Variants in RRBP1 observed in about 807,000 individuals in gnomAD.
RRBP1 encodes the protein ribosome-binding protein 1.
A neutral mutation model predicts 165.2 loss-of-function variants in RRBP1; 94 were observed. That is an observed-to-expected ratio of 0.57 (90% CI 0.48 to 0.68). The LOEUF (loss-of-function observed/expected upper bound fraction) is 0.68, where lower values mean the gene tolerates loss of function less well. Ranked by LOEUF, RRBP1 falls within the 30% of genes least tolerant of loss-of-function variation. RRBP1 has a pLI of 0.00. For synonymous variants in RRBP1, 680 were observed against 714.5 expected, an observed-to-expected ratio of 0.95 and a Z score of 0.77; for missense variants, 1,676 against 1,763.0, an observed-to-expected ratio of 0.95 and a Z score of 0.88.
chr20:17,615,374 G>C (rs2035778256), intron 23 of RRBP1, 57 bp downstream of exon 23: 1 of 1,403,146 alleles, frequency 7.1e-7, no homozygotes, highest in Admixed American at 2.3e-5. Flanking sequence ...GGCCAAGAGT[G>C]GCGCCAGCCC....
chr20:17,646,817 C>G lies in RRBP1; in HGVS notation c.1913-3690G>C, dbSNP rs548675351. Among the ~76,000 whole-genome samples, 32 of 152,286 alleles carry G rather than the reference C, an allele frequency of 2.1e-4. 1 individual carries two copies. Among genetic ancestry groups the G allele is most frequent in the African/African-American group, 7.5e-4 (31 of 41,558 alleles). On this transcript the variant is annotated intron_variant, in intron 3 of 24. Transcript: ENST00000377813. ...TGGCGTCCTTGGATGAGGCTTTTCT[C>G]TCTGTATAATTTCCAGGATCCCCCA...
chr20:17,654,963 G>C (rs181822077), intron 3 of RRBP1, among the ~76,000 whole-genome samples: 3 of 152,322 alleles, frequency 2.0e-5, no homozygotes, highest in Admixed American at 2.0e-4. Context: ...ATGGCAAAGA[G>C]AGTATTTAAG....
chr20:17,634,690 C>T (rs538230359), intron 7 of RRBP1, among the ~76,000 whole-genome samples: 21 of 152,328 alleles, frequency 1.4e-4, no homozygotes, highest in Admixed American at 8.5e-4. Flanking sequence ...TGTGGGGAGA[C>T]GCCAGAGAAT....
In RRBP1 at chr20:17,619,656, T is replaced by C. The variant is rs1012564492; in HGVS notation, c.3652A>G (p.Asn1218Asp). ...ACCCCTGCCACCTCCTTGGCGTAGT[T>C]CTGGCACTCGGCGCTGGCGGCCGCC... Reference protein sequence around the residue: ...HMAAASAECQNYAKEVAGLRQ... With the variant: ...HMAAASAECQDYAKEVAGLRQ... Residue 1218 changes from asparagine to aspartate, a missense_variant, in exon 19 of 25, where the codon AAC (asparagine) becomes GAC (aspartate). Coordinates refer to ENST00000377813, the MANE Select transcript of RRBP1 (RefSeq NM_001365613.2). 2.5e-6 allele frequency: 4 copies of C among 1,612,610 alleles called. No individual in the cohort carries two copies. The highest frequency in any genetic ancestry group is 3.4e-6 in the Non-Finnish European group (4 of 1,179,684).
At chr20:17,622,372 A>C (rs1358558943) in intron 13 of RRBP1, among the ~76,000 whole-genome samples, 2 of 152,110 alleles carry the variant, frequency 1.3e-5, no homozygotes, top group Admixed American at 6.5e-5. Flanking sequence ...CATGGCCCCC[A>C]ATGTTTTGGA....
intron 8 of RRBP1, among the ~76,000 whole-genome samples, chr20:17,632,807 C>T (rs1217279398): frequency 6.6e-6 from 1 of 152,212 alleles, no homozygotes; most frequent in Non-Finnish European, 1.5e-5. Flanking sequence ...GGCCTCTGGG[C>T]TGGGAAAACA....
At chr20:17,619,315 G>T in intron 19 of RRBP1, 1 of 297,484 alleles carries the variant, frequency 3.4e-6, no homozygotes. Context: ...CTCCCCACCA[G>T]ATATGACATC....
chr20:17,623,840 G>A (rs1195686660), intron 13 of RRBP1, among the ~76,000 whole-genome samples: 3 of 152,022 alleles, frequency 2.0e-5, no homozygotes, highest in Non-Finnish European at 2.9e-5. Context: ...GGTGAGGCAG[G>A]AGAATTGCTT....
At chr20:17,633,705 A>G in intron 7 of RRBP1, 92 bp from the exon 8 acceptor site, 2 of 1,344,130 alleles carry the variant, frequency 1.5e-6, no homozygotes, top group South Asian at 2.8e-5. Flanking sequence ...GCTCTCTTGT[A>G]AGTAAGCAGT....
intron 11 of RRBP1, 110 bp from the exon 12 acceptor site, chr20:17,625,712 G>T: frequency 1.1e-6 from 1 of 905,290 alleles, no homozygotes; most frequent in Non-Finnish European, 1.8e-6. Flanking sequence ...GAACCATCTG[G>T]CCAGGGACGG....
rs1132274 is a variant in RRBP1 at position 17,615,510 on chromosome 20, C to A, written c.3971G>T (p.Arg1324Leu). 0.17 allele frequency: 268,839 copies of A among 1,604,116 alleles called. 27,655 individuals are homozygous for A. Among genetic ancestry groups the A allele is most frequent in the East Asian group, 0.51 (22,702 of 44,232 alleles). Residue 1324 changes from arginine (R) to leucine (L), a missense_variant, in exon 23 of 25, where the codon CGG becomes CTG. Arg to Leu is a moderately radical substitution (Grantham distance 102). Transcript: ENST00000377813. ...EFEEAQTSAC[R>L]LQEELEKLRT... ...GAGCTTCTCCAATTCTTCTTGTAAC[C>A]GACATGCCGAGGTCTGAGCCTTGCC...
Position 17,659,815 on chromosome 20 carries a change from C to T in RRBP1, c.693G>A (p.Lys231=). The part of the protein sequence containing the change: ...KAEGTPNQGK[K]TEGTPNQGKK... ...TCCCTTGGTTTGGGGTTCCCTCTGT[C>T]TTTTTGCCCTGGTTTGGGGTTCCCT... The change falls in exon 3 of 25, where the codon AAG becomes AAA. Residue 231 remains lysine (K), a synonymous_variant. Coordinates refer to ENST00000377813, the MANE Select transcript of RRBP1 (RefSeq NM_001365613.2). 16 of 1,551,062 alleles carry T rather than the reference C, an allele frequency of 1.0e-5. No individual in the cohort carries two copies. Among genetic ancestry groups the T allele is most frequent in the Non-Finnish European group, 1.4e-5 (16 of 1,146,974 alleles).
chr20:17,615,485 G>C lies in RRBP1; in HGVS notation c.3996C>G (p.Leu1332=). ...AAGACTCTAGGGGGCCGGCTGTGCG[G>C]AGCTTCTCCAATTCTTCTTGTAACC... ...ACRLQEELEK[L]RTAGPLESSE... The change falls in exon 23 of 25, where the codon CTC becomes CTG. Residue 1332 remains leucine, a synonymous_variant. Transcript: ENST00000377813. The C allele has an allele frequency of 1.2e-6, 2 of 1,608,076 alleles. No homozygotes were observed. The highest frequency in any genetic ancestry group is 1.7e-6 in the Non-Finnish European group (2 of 1,178,124).
intron 2 of RRBP1, among the ~76,000 whole-genome samples, chr20:17,678,187 T>C (rs1016058650): frequency 6.6e-6 from 1 of 152,202 alleles, no homozygotes; most frequent in Non-Finnish European, 1.5e-5. Flanking sequence ...AAGAAAAGTC[T>C]CCTAGGAGGC....
intron 2 of RRBP1, among the ~76,000 whole-genome samples, chr20:17,663,737 T>C (rs1015843968): frequency 1.3e-5 from 2 of 152,220 alleles, no homozygotes; most frequent in Non-Finnish European, 2.9e-5. Flanking sequence ...AATTCGGTTC[T>C]CACAATCAGC....
intron 2 of RRBP1, among the ~76,000 whole-genome samples, chr20:17,664,048 C>G (rs953660423): frequency 1.3e-5 from 2 of 152,100 alleles, no homozygotes; most frequent in African/African-American, 2.4e-5. Context: ...ACCTACATAC[C>G]TATGATGAAA....
chr20:17,620,300 TG>T lies in RRBP1; in HGVS notation c.3577del (p.Gln1193ArgfsTer2). 6.2e-7 allele frequency: 1 copy of T among 1,611,648 alleles called. No homozygotes were observed. The highest frequency in any genetic ancestry group is 8.5e-7 in the Non-Finnish European group (1 of 1,177,856). ...GAGTTCTCTGAGCAGAGCACATACC[TG>T]GTCCGAACTTTCAAGTTCTCCTTTT... ...KLKGELESSD[Q>X]VREHTSHLEA... On this transcript the variant is annotated frameshift_variant and splice_region_variant, in exon 18 of 25. Transcript: ENST00000377813. LOFTEE classifies it high-confidence loss of function.
intron 18 of RRBP1, 195 bp from the exon 19 acceptor site, chr20:17,619,923 GC>G: frequency 1.8e-6 from 1 of 555,530 alleles, no homozygotes; most frequent in Non-Finnish European, 3.2e-6. Flanking sequence ...CTGCACCCGG[GC>G]ACTCCTGGGG....
chr20:17,649,518 G>A (rs201420823), intron 3 of RRBP1, among the ~76,000 whole-genome samples: 114 of 146,474 alleles, frequency 7.8e-4, no homozygotes, highest in African/African-American at 2.6e-3. Flanking sequence ...GAGCAGTGGC[G>A]TCAGACCTGC....
Sources: gnomAD v4.1 joint callset for allele counts (sites outside exome capture counted in the v4.1 genomes callset) on GRCh38, gnomAD v4.1.1 for gene constraint, MANE v1.5 for transcripts, NCBI Gene and HGNC (gene_info 2026-07-23, HGNC 2026-07-21) for gene names.